DAB1: variants seen among roughly 807,000 people sequenced by gnomAD.
The protein encoded by DAB1 is disabled homolog 1.
A neutral mutation model predicts 64.6 loss-of-function variants in DAB1; 15 were observed. The observed-to-expected ratio is 0.23, with a 90% CI of 0.16 to 0.36. The LOEUF (loss-of-function observed/expected upper bound fraction) is 0.36. DAB1 is among the 10% of genes least tolerant of loss of function. The pLI is 1.00. For missense variants in DAB1, 596 were observed against 706.7 expected (o/e 0.84, Z 1.78); for synonymous variants, 235 against 251.9 (o/e 0.93, Z 0.64).
chr1:57,468,303 C>T (rs1301864846), intron 7 of DAB1, among the ~76,000 whole-genome samples: 1 of 152,146 alleles, frequency 6.6e-6, no homozygotes, highest in Non-Finnish European at 1.5e-5. Flanking sequence ...GTGAGCATAG[C>T]AACTTCGAGA....
chr1:58,169,024 C>T (rs989261360), intron 4 of DAB1, among the ~76,000 whole-genome samples: 1 of 152,176 alleles, frequency 6.6e-6, no homozygotes, highest in Non-Finnish European at 1.5e-5. Flanking sequence ...GTCCTCCTTG[C>T]AGTCTAGGAG....
At position 57,484,770 on chromosome 1, in the gene DAB1, C is replaced by T. The variant is rs1487686395; in HGVS notation, n.625+164822G>A. On this transcript the variant is annotated intron_variant and non_coding_transcript_variant, in intron 7 of 20. Coordinates refer to the DAB1 transcript ENST00000485760. ...AGTAATTGGAAAAGAGGTCTCAGTA[C>T]TGGGATTGTAATTCCAAGTTTTATT... Among the ~76,000 whole-genome samples the T allele has an allele frequency of 1.9e-4, 29 of 151,998 alleles. 1 individual carries two copies. The highest frequency in any genetic ancestry group is 1.9e-3 in the Admixed American group (29 of 15,250).
intron 6 of DAB1, among the ~76,000 whole-genome samples, chr1:57,748,437 T>C (rs1323992121): frequency 6.6e-6 from 1 of 152,068 alleles, no homozygotes; most frequent in Non-Finnish European, 1.5e-5. Flanking sequence ...CCTTATAGAG[T>C]GTTTGTGCAT....
chr1:57,515,657 T>G (rs1379443654), intron 7 of DAB1, among the ~76,000 whole-genome samples: 2 of 152,258 alleles, frequency 1.3e-5, no homozygotes, highest in Non-Finnish European at 2.9e-5. Flanking sequence ...TGGGCTACCA[T>G]GCCTGATGGA....
chr1:58,150,878 T>G (rs1300288706), intron 4 of DAB1, among the ~76,000 whole-genome samples: 1 of 152,112 alleles, frequency 6.6e-6, no homozygotes, highest in African/African-American at 2.4e-5. Context: ...GTGTGTGATG[T>G]TCCCCTTCCT....
chr1:58,121,149 C>T (rs1278981432), intron 5 of DAB1, among the ~76,000 whole-genome samples: 1 of 152,096 alleles, frequency 6.6e-6, no homozygotes, highest in Non-Finnish European at 1.5e-5. Context: ...ACTAGCACTT[C>T]TATTTCTCCA....
intron 2 of DAB1, among the ~76,000 whole-genome samples, chr1:57,267,601 T>C (rs1670684645): frequency 6.6e-6 from 1 of 152,158 alleles, no homozygotes; most frequent in Non-Finnish European, 1.5e-5. Context: ...ACCTGAAACA[T>C]ACAGGTGCCC....
chr1:58,385,206 A>G (rs972419013), intron 3 of DAB1, among the ~76,000 whole-genome samples: 3 of 152,240 alleles, frequency 2.0e-5, no homozygotes, highest in African/African-American at 7.2e-5. Flanking sequence ...CATATGTCCA[A>G]ACTCAGCAAA....
rs913793183 is a variant in DAB1, at chr1:57,451,875, G to A, written n.626-160709C>T. Among the ~76,000 whole-genome samples the A allele has an allele frequency of 2.6e-5, 4 of 152,142 alleles. No individual in the cohort carries two copies. The South Asian group carries it at 8.3e-4, about 32-fold the overall frequency. On this transcript the variant is annotated intron_variant and non_coding_transcript_variant, in intron 7 of 20. Transcript: ENST00000485760. ...TACCTTGGCATCTCATCATGTGCTG[G>A]AAGATCCAGTCTGTTTTGCAGGCTA...
At chr1:58,351,056 C>T (rs1644050659) in intron 3 of DAB1, among the ~76,000 whole-genome samples, 1 of 152,122 alleles carries the variant, frequency 6.6e-6, no homozygotes, top group African/African-American at 2.4e-5. Flanking sequence ...GCAGTGTGGC[C>T]ATTTTCATGA....
At chr1:58,505,645 T>G (rs1645976574) in intron 3 of DAB1, among the ~76,000 whole-genome samples, 2 of 152,184 alleles carry the variant, frequency 1.3e-5, no homozygotes, top group African/African-American at 4.8e-5. Flanking sequence ...GTACCACTAC[T>G]ACAATTAATA....
At chr1:57,396,458 A>G (rs1345805089) in intron 1 of DAB1, among the ~76,000 whole-genome samples, 1 of 152,198 alleles carries the variant, frequency 6.6e-6, no homozygotes, top group Non-Finnish European at 1.5e-5. Flanking sequence ...TTTGGGGGAA[A>G]AAACACTTCT....
chr1:57,632,829 T>C (rs980633066), intron 7 of DAB1, among the ~76,000 whole-genome samples: 2 of 152,154 alleles, frequency 1.3e-5, no homozygotes, highest in African/African-American at 4.8e-5. Context: ...AAGTAAGGAA[T>C]TGTTATTCTC....
At chr1:57,540,141 T>A (rs1044847307) in intron 7 of DAB1, among the ~76,000 whole-genome samples, 2 of 152,188 alleles carry the variant, frequency 1.3e-5, no homozygotes, top group Non-Finnish European at 2.9e-5. Context: ...CATCTACTCT[T>A]CTAAACGCAG....
At chr1:58,342,911 C>T (rs1301259231) in intron 4 of DAB1, among the ~76,000 whole-genome samples, 1 of 152,166 alleles carries the variant, frequency 6.6e-6, no homozygotes, top group Non-Finnish European at 1.5e-5. Flanking sequence ...GGTGTCTCCA[C>T]ACTACACCCC....
intron 6 of DAB1, among the ~76,000 whole-genome samples, chr1:57,660,754 C>T (rs528557215): frequency 1.3e-5 from 2 of 152,310 alleles, no homozygotes; most frequent in South Asian, 4.1e-4. Context: ...CAATGACTGA[C>T]AGCAAAGGGG....
At chr1:57,598,887 G>A (rs956494537) in intron 7 of DAB1, among the ~76,000 whole-genome samples, 1 of 152,118 alleles carries the variant, frequency 6.6e-6, no homozygotes, top group African/African-American at 2.4e-5. Context: ...ACCAATTCCT[G>A]CCAAGACTCT....
At chr1:57,362,200 T>C (rs563660726) in intron 1 of DAB1, among the ~76,000 whole-genome samples, 33 of 152,318 alleles carry the variant, frequency 2.2e-4, no homozygotes, top group African/African-American at 7.2e-4. Flanking sequence ...TGAACCTCAA[T>C]TTTTCTCATC....
intron 3 of DAB1, among the ~76,000 whole-genome samples, chr1:58,443,454 C>T (rs955240183): frequency 6.6e-6 from 1 of 152,136 alleles, no homozygotes; most frequent in Non-Finnish European, 1.5e-5. Context: ...TTTTTGTTCA[C>T]TTAAGATTTG....
Sources: gnomAD v4.1 joint callset for allele counts (sites outside exome capture counted in the v4.1 genomes callset) on GRCh38, gnomAD v4.1.1 for gene constraint, MANE v1.5 for transcripts, NCBI Gene and HGNC (gene_info 2026-07-23, HGNC 2026-07-21) for gene names.